The following NAV2 variants were observed in gnomAD, a reference collection of about 807,000 sequenced individuals.
The protein encoded by NAV2 is helicase, APC down-regulated 1.
Under a neutral mutation model 223.2 loss-of-function variants are expected in NAV2, and 54 were observed. The ratio of observed to expected loss-of-function variants is 0.24; its 90% CI spans 0.19 to 0.30. NAV2 has a LOEUF of 0.30. NAV2 is among the 10% of genes least tolerant of loss of function. NAV2 has a pLI of 1.00. For synonymous variants in NAV2, 1,279 were observed against 1,239.3 expected (o/e 1.03, Z -0.67); for missense variants, 2,806 against 3,147.5 (o/e 0.89, Z 2.60).
At chr11:19,783,806 G>A (rs919191294) in intron 1 of NAV2, among the ~76,000 whole-genome samples, 1 of 152,170 alleles carries the variant, frequency 6.6e-6, no homozygotes, top group Admixed American at 6.5e-5. Context: ...ATTCAGAGCA[G>A]CATCCAAGCA....
intron 1 of NAV2, among the ~76,000 whole-genome samples, chr11:19,643,975 A>G (rs1250248667): frequency 6.6e-6 from 1 of 152,204 alleles, no homozygotes; most frequent in Non-Finnish European, 1.5e-5. Context: ...CTGGCATTTA[A>G]TCATCTCCAT....
intron 1 of NAV2, among the ~76,000 whole-genome samples, chr11:19,734,523 C>T (rs1281142172): frequency 1.3e-5 from 2 of 152,204 alleles, no homozygotes; most frequent in Admixed American, 6.5e-5. Context: ...CCTATTCACC[C>T]TCAATCTGAT....
chr11:19,565,562 T>C (rs2045240662), intron 1 of NAV2, among the ~76,000 whole-genome samples: 1 of 152,234 alleles, frequency 6.6e-6, no homozygotes, highest in Non-Finnish European at 1.5e-5. Context: ...CATGCATCAC[T>C]GATCTCTCCC....
At chr11:19,620,582 A>T (rs1455642210) in intron 1 of NAV2, among the ~76,000 whole-genome samples, 1 of 152,100 alleles carries the variant, frequency 6.6e-6, no homozygotes, top group African/African-American at 2.4e-5. Flanking sequence ...GGTGTATAGG[A>T]ATGCTTGTGA....
At chr11:19,390,131 G>A (rs1315893533) in intron 1 of NAV2, among the ~76,000 whole-genome samples, 2 of 152,180 alleles carry the variant, frequency 1.3e-5, no homozygotes, top group African/African-American at 2.4e-5. Flanking sequence ...GGGGCGCAGT[G>A]TCCATTCCAG....
chr11:19,815,149 G>C (rs548857079), intron 1 of NAV2, among the ~76,000 whole-genome samples: 1 of 152,282 alleles, frequency 6.6e-6, no homozygotes, highest in East Asian at 1.9e-4. Flanking sequence ...CCTGCATGAA[G>C]ATACGTTTTC....
At chr11:19,988,074 C>T (rs936752417) in intron 11 of NAV2, among the ~76,000 whole-genome samples, 1 of 152,172 alleles carries the variant, frequency 6.6e-6, no homozygotes, top group Non-Finnish European at 1.5e-5. Context: ...ATCAAAAGTT[C>T]CCGAACTCCA....
intron 14 of NAV2, among the ~76,000 whole-genome samples, chr11:20,048,396 A>C (rs1272354186): frequency 6.6e-6 from 1 of 152,172 alleles, no homozygotes. Flanking sequence ...TTTTCTAGTT[A>C]GTCTATCTAT....
At chr11:19,825,432 G>A (rs973238276) in intron 1 of NAV2, among the ~76,000 whole-genome samples, 7 of 150,400 alleles carry the variant, frequency 4.7e-5, no homozygotes, top group African/African-American at 1.5e-4. Flanking sequence ...GATGCTAAAC[G>A]ACTGGTTTAC....
intron 36 of NAV2, 118 bp downstream of exon 36, chr11:20,107,900 C>A (rs1469147428): frequency 1.4e-6 from 1 of 732,646 alleles, no homozygotes; most frequent in Non-Finnish European, 2.4e-6. Flanking sequence ...CAACCCCTCA[C>A]CTGGGAGTTC....
At chr11:19,724,387 C>T (rs1436733033) in intron 1 of NAV2, among the ~76,000 whole-genome samples, 6 of 152,162 alleles carry the variant, frequency 3.9e-5, no homozygotes, top group Non-Finnish European at 7.4e-5. Flanking sequence ...GGGTGTCTCT[C>T]TGTCACCTAG....
At chr11:19,781,953 C>T (rs904445026) in intron 1 of NAV2, among the ~76,000 whole-genome samples, 3 of 152,132 alleles carry the variant, frequency 2.0e-5, no homozygotes, top group Non-Finnish European at 2.9e-5. Flanking sequence ...TTAACAACTT[C>T]CGTTTTTTTT....
intron 12 of NAV2, among the ~76,000 whole-genome samples, chr11:20,043,435 C>A (rs1055307387): frequency 6.6e-6 from 1 of 152,112 alleles, no homozygotes; most frequent in African/African-American, 2.4e-5. Flanking sequence ...TTCCCTCACT[C>A]CTTTCTTTTG....
At chr11:20,104,029 A>G (rs1019348732) in intron 34 of NAV2, among the ~76,000 whole-genome samples, 2 of 152,168 alleles carry the variant, frequency 1.3e-5, no homozygotes, top group Non-Finnish European at 2.9e-5. Flanking sequence ...TCATAGGGTC[A>G]AGGGGGCAGC....
At chr11:19,479,894 C>A (rs1312219334) in intron 1 of NAV2, among the ~76,000 whole-genome samples, 1 of 152,156 alleles carries the variant, frequency 6.6e-6, no homozygotes, top group African/African-American at 2.4e-5. Flanking sequence ...AAAAAGAAGG[C>A]CGAGGCTAGA....
chr11:19,815,355 A>C (rs1247782304), intron 1 of NAV2, among the ~76,000 whole-genome samples: 1 of 152,182 alleles, frequency 6.6e-6, no homozygotes, highest in Non-Finnish European at 1.5e-5. Context: ...GATGTCCCTG[A>C]GTTCTCATTA....
At position 19,933,138 on chromosome 11, in the gene NAV2, C is replaced by G. The variant is rs1434316670; in HGVS notation, c.932-38C>G. The G allele has an allele frequency of 6.1e-6, 9 of 1,482,912 alleles. No individual in the cohort carries two copies. In the South Asian group the frequency reaches 1.2e-4, roughly 20 times the overall value. 91.9% of individuals were successfully genotyped at this position (1,482,912 alleles called of 1,614,324 possible). ...CTCCCTGGTCTTCAGTGCAGGTCAA[C>G]AAGTATGATTCAGGCCTCCTCTCTT... is the stretch of plus-strand genomic sequence containing the variant. On this transcript the variant is annotated intron_variant, in intron 6 of 37. Coordinates refer to ENST00000349880, the MANE Select transcript of NAV2 (RefSeq NM_145117.5). This position sits in a 1 kb window ranked among gnomAD's most constrained non-coding sequence, Gnocchi z 4.3.
intron 1 of NAV2, among the ~76,000 whole-genome samples, chr11:19,777,020 C>T (rs983517453): frequency 3.3e-5 from 5 of 151,934 alleles, no homozygotes; most frequent in African/African-American, 1.2e-4. Context: ...TGGCGAAGGG[C>T]CCACTGAAGC....
chr11:19,842,855 G>T lies in NAV2; in HGVS notation c.386-16G>T. Reference sequence around the variant, plus strand: ...CTCTGGTGATTTATTTTTCTGACTTGTGTTTCCTTTTTCAGCAAATGAAAA... The same window carrying T: ...CTCTGGTGATTTATTTTTCTGACTTTTGTTTCCTTTTTCAGCAAATGAAAA... On this transcript the variant is annotated splice_polypyrimidine_tract_variant and intron_variant, in intron 2 of 37. Coordinates refer to ENST00000349880, the MANE Select transcript of NAV2 (RefSeq NM_145117.5). The T allele has an allele frequency of 6.2e-7, 1 of 1,613,572 alleles. No individual in the cohort carries two copies. The highest frequency in any genetic ancestry group is 8.5e-7 in the Non-Finnish European group (1 of 1,179,586).
Sources: gnomAD v4.1 joint callset for allele counts (sites outside exome capture counted in the v4.1 genomes callset) on GRCh38, gnomAD v4.1.1 for gene constraint, Gnocchi (gnomAD v3.1) non-coding constraint, MANE v1.5 for transcripts, NCBI Gene and HGNC (gene_info 2026-07-23, HGNC 2026-07-21) for gene names.